The following RASEF variants were observed in gnomAD, a reference collection of about 807,000 sequenced individuals.
The protein encoded by RASEF is ras and EF-hand domain-containing protein.
In RASEF, 68 loss-of-function variants were observed where a neutral mutation model predicts 90.1. The ratio of observed to expected loss-of-function variants is 0.75; its 90% CI spans 0.62 to 0.92. RASEF has a LOEUF of 0.92. Ranked by LOEUF, RASEF falls within the 40% of genes least tolerant of loss-of-function variation. RASEF has a pLI of 0.00. For synonymous variants in RASEF, 331 were observed against 345.2 expected (o/e 0.96, Z 0.46); for missense variants, 949 against 937.2 (o/e 1.01, Z -0.16).
chr9:83,081,475 G>A, the RASEF span, among the ~76,000 whole-genome samples: 1 of 152,032 alleles, frequency 6.6e-6, no homozygotes, highest in Non-Finnish European at 1.5e-5. Flanking sequence ...CCTCGTGATG[G>A]CACCACCAGA....
At chr9:82,991,597 C>T (rs1828815791) in intron 15 of RASEF, among the ~76,000 whole-genome samples, 1 of 152,158 alleles carries the variant, frequency 6.6e-6, no homozygotes, top group Admixed American at 6.5e-5. Flanking sequence ...GGGACCTTTA[C>T]TCGTAAGCCC....
chr9:83,015,801 C>T lies in RASEF; in HGVS notation c.765+4G>A. On this transcript the variant is annotated splice_donor_region_variant and intron_variant, in intron 4 of 16. Transcript: ENST00000376447. ...TCCTACAAGTCCAGCTGCCACATGC[C>T]TACCTTTCTTAGCTTTTTAATGGTC... 6.2e-7 allele frequency: 1 copy of T among 1,609,360 alleles called. No individual in the cohort carries two copies. The highest frequency in any genetic ancestry group is 8.5e-7 in the Non-Finnish European group (1 of 1,175,638).
the RASEF span, among the ~76,000 whole-genome samples, chr9:83,185,931 A>C: frequency 8.6e-4 from 130 of 151,688 alleles, 2 homozygotes; most frequent in Non-Finnish European, 5.9e-5. Context: ...GAGATTGCCC[A>C]GCACAGTCAC....
the RASEF span, among the ~76,000 whole-genome samples, chr9:83,081,152 A>G: frequency 6.6e-6 from 1 of 152,132 alleles, no homozygotes; most frequent in African/African-American, 2.4e-5. Flanking sequence ...AGGCTTGATT[A>G]ACCTATCCAA....
At chr9:83,020,715 G>A (rs1829427851) in intron 3 of RASEF, among the ~76,000 whole-genome samples, 1 of 152,194 alleles carries the variant, frequency 6.6e-6, no homozygotes, top group Non-Finnish European at 1.5e-5. Flanking sequence ...ATTCTAAAAG[G>A]TGGGGGCCAT....
chr9:83,214,378 C>G, the RASEF span, among the ~76,000 whole-genome samples: 2 of 152,076 alleles, frequency 1.3e-5, no homozygotes. Flanking sequence ...GAGCAAGACT[C>G]TGTCTCAAAA....
chr9:82,994,993 A>T (rs1488747411), intron 14 of RASEF, among the ~76,000 whole-genome samples: 2 of 152,236 alleles, frequency 1.3e-5, no homozygotes, highest in South Asian at 4.1e-4. Context: ...ACAGTAAGCC[A>T]TGGAGAAACT....
At chr9:83,158,853 G>A in the RASEF span, among the ~76,000 whole-genome samples, 3 of 151,054 alleles carry the variant, frequency 2.0e-5, no homozygotes, top group South Asian at 6.3e-4. Flanking sequence ...CTCACCTGGG[G>A]TAGGTAAATA....
At chr9:83,207,649 GGGT>G in the RASEF span, among the ~76,000 whole-genome samples, 121,805 of 145,076 alleles carry the variant, frequency 0.84, 51,211 homozygotes, top group East Asian at 0.96. Context: ...CTGTAGCCCA[GGGT>G]GGTGGAGCGC....
intron 12 of RASEF, 130 bp from the exon 13 acceptor site, chr9:82,998,576 C>A: frequency 1.6e-6 from 1 of 622,984 alleles, no homozygotes; most frequent in Non-Finnish European, 2.9e-6. Flanking sequence ...ATGAACATGA[C>A]CTTTAAGGAG....
the RASEF span, among the ~76,000 whole-genome samples, chr9:83,216,993 A>G: frequency 6.6e-6 from 1 of 152,228 alleles, no homozygotes; most frequent in Non-Finnish European, 1.5e-5. Context: ...ACAAAGCCAC[A>G]CAGGCAGAGT....
chr9:83,062,769 G>A lies in RASEF; in HGVS notation c.99C>T (p.Phe33=). 6.4e-7 allele frequency: 1 copy of A among 1,561,018 alleles called. No homozygotes were observed. The highest frequency in any genetic ancestry group is 8.6e-7 in the Non-Finnish European group (1 of 1,162,844). Residue 33 remains phenylalanine, a synonymous_variant, in exon 1 of 17, where the codon TTC becomes TTT. Transcript: ENST00000376447. The part of the protein sequence containing the change: ...NRSGRLEREE[F]RALCTELRVR... ...CCCGCAGCTCCGTGCACAGTGCCCG[G>A]AACTCCTCGCGCTCCAGGCGCCCCG...
the RASEF span, among the ~76,000 whole-genome samples, chr9:83,191,996 C>T: frequency 6.6e-6 from 1 of 152,002 alleles, no homozygotes; most frequent in Non-Finnish European, 1.5e-5. Context: ...AAATCGAAAC[C>T]ACAATGAGAT....
At chr9:83,106,163 C>G in the RASEF span, among the ~76,000 whole-genome samples, 6 of 152,174 alleles carry the variant, frequency 3.9e-5, no homozygotes. Flanking sequence ...TCCGGAAATG[C>G]TGCTCCATAC....
At chr9:83,031,352 T>C (rs985083664) in intron 1 of RASEF, among the ~76,000 whole-genome samples, 4 of 152,228 alleles carry the variant, frequency 2.6e-5, no homozygotes, top group Non-Finnish European at 5.9e-5. Context: ...AAAGGCTATC[T>C]TGAAGCATTC....
the RASEF span, among the ~76,000 whole-genome samples, chr9:83,151,817 G>T: frequency 6.6e-6 from 1 of 152,150 alleles, no homozygotes; most frequent in East Asian, 1.9e-4. Context: ...GTCAGTCTCT[G>T]ACAGCTGGAA....
At chr9:83,102,573 A>T in the RASEF span, among the ~76,000 whole-genome samples, 1 of 152,136 alleles carries the variant, frequency 6.6e-6, no homozygotes, top group African/African-American at 2.4e-5. Flanking sequence ...AGCTCCTAAG[A>T]GGAGAGGGCA....
At chr9:83,018,980 G>GGAT (rs1829395253) in intron 3 of RASEF, among the ~76,000 whole-genome samples, 1 of 152,108 alleles carries the variant, frequency 6.6e-6, no homozygotes, top group Non-Finnish European at 1.5e-5. Context: ...TATGAACATT[G>GGAT]ATCCATATCT....
chr9:83,004,433 G>A, intron 9 of RASEF, 65 bp downstream of exon 9: 1 of 926,172 alleles, frequency 1.1e-6, no homozygotes, highest in Middle Eastern at 2.1e-4. Flanking sequence ...CACCTCCAAG[G>A]AAATTTACTT....
Sources: gnomAD v4.1 joint callset for allele counts (sites outside exome capture counted in the v4.1 genomes callset) on GRCh38, gnomAD v4.1.1 for gene constraint, MANE v1.5 for transcripts, NCBI Gene and HGNC (gene_info 2026-07-23, HGNC 2026-07-21) for gene names.